The following ZDHHC14 variants were observed in gnomAD, a reference collection of about 807,000 sequenced individuals.
The protein encoded by ZDHHC14 is palmitoyltransferase ZDHHC14.
In ZDHHC14, 16 loss-of-function variants were observed where a neutral mutation model predicts 47.7. The ratio of observed to expected loss-of-function variants is 0.34; its 90% CI spans 0.23 to 0.51. ZDHHC14 has a LOEUF of 0.51. Among genes scored for constraint, ZDHHC14 ranks in the 20% least tolerant of loss-of-function variants. The pLI is 0.97. For missense variants in ZDHHC14, 515 were observed against 662.5 expected, an observed-to-expected ratio of 0.78 and a Z score of 2.44; for synonymous variants, 293 against 278.9, an observed-to-expected ratio of 1.05 and a Z score of -0.50.
At chr6:157,668,192 G>A (rs779777889) in intron 8 of ZDHHC14, among the ~76,000 whole-genome samples, 6 of 152,236 alleles carry the variant, frequency 3.9e-5, no homozygotes, top group Non-Finnish European at 8.8e-5. Context: ...GGAGGGCACA[G>A]AGAGTAGGTT....
intron 1 of ZDHHC14, among the ~76,000 whole-genome samples, chr6:157,536,718 C>G (rs1357048672): frequency 1.3e-5 from 2 of 151,902 alleles, no homozygotes; most frequent in Non-Finnish European, 2.9e-5. Context: ...GAATTAATGA[C>G]AGTATTGATT....
intron 2 of ZDHHC14, among the ~76,000 whole-genome samples, chr6:157,570,830 TAC>T (rs1230916928): frequency 6.6e-6 from 1 of 151,088 alleles, no homozygotes; most frequent in Non-Finnish European, 1.5e-5. Flanking sequence ...TATATATATA[TAC>T]ACACACACAT....
At chr6:157,601,355 T>A (rs1270828411) in intron 3 of ZDHHC14, among the ~76,000 whole-genome samples, 8 of 152,182 alleles carry the variant, frequency 5.3e-5, no homozygotes, top group African/African-American at 1.9e-4. Flanking sequence ...TGTGGTAATG[T>A]AGGAAAATAA....
chr6:157,478,203 T>G (rs1779537339), intron 1 of ZDHHC14, among the ~76,000 whole-genome samples: 1 of 109,744 alleles, frequency 9.1e-6, no homozygotes, highest in Non-Finnish European at 2.4e-5. Context: ...TCTTCAGTAC[T>G]CTCTACTTTG....
At chr6:157,476,595 C>A (rs969746006) in intron 1 of ZDHHC14, among the ~76,000 whole-genome samples, 1 of 152,030 alleles carries the variant, frequency 6.6e-6, no homozygotes, top group African/African-American at 2.4e-5. Flanking sequence ...AGACAAAGCC[C>A]CTACAAGAAA....
intron 3 of ZDHHC14, among the ~76,000 whole-genome samples, chr6:157,616,215 C>A (rs1034456280): frequency 6.6e-6 from 1 of 152,170 alleles, no homozygotes; most frequent in Non-Finnish European, 1.5e-5. Flanking sequence ...AGTGCAGTGG[C>A]CTTCAGACAC....
intron 1 of ZDHHC14, among the ~76,000 whole-genome samples, chr6:157,413,923 CTAT>C (rs66804075): frequency 0.97 from 145,359 of 150,004 alleles, 70,428 homozygotes; most frequent in East Asian, 0.99. Context: ...TCTCTCTGTG[CTAT>C]TATTATTATT....
intron 2 of ZDHHC14, among the ~76,000 whole-genome samples, chr6:157,562,088 GA>G (rs1782730890): frequency 6.6e-6 from 1 of 152,206 alleles, no homozygotes; most frequent in Non-Finnish European, 1.5e-5. Flanking sequence ...GGAAGGGGCA[GA>G]AGATGCAGCT....
chr6:157,511,959 G>A (rs976995028), intron 1 of ZDHHC14, among the ~76,000 whole-genome samples: 2 of 152,120 alleles, frequency 1.3e-5, no homozygotes, highest in Admixed American at 1.3e-4. Context: ...CTGCTCAGTG[G>A]TCTTGATTTC....
intron 2 of ZDHHC14, among the ~76,000 whole-genome samples, chr6:157,566,015 G>T (rs1663941519): frequency 6.6e-6 from 1 of 152,098 alleles, no homozygotes; most frequent in African/African-American, 2.4e-5. Flanking sequence ...CTTTCTCTGG[G>T]TGCACAAGCT....
chr6:157,595,037 T>C (rs1381149176), intron 3 of ZDHHC14, among the ~76,000 whole-genome samples: 1 of 152,176 alleles, frequency 6.6e-6, no homozygotes. Flanking sequence ...TTTTGGTAGG[T>C]AGGGTGTTGT....
chr6:157,656,996 G>A (rs1419710191), intron 8 of ZDHHC14, among the ~76,000 whole-genome samples: 1 of 152,076 alleles, frequency 6.6e-6, no homozygotes, highest in African/African-American at 2.4e-5. Flanking sequence ...CTGAGTGTAG[G>A]TGGCTTCACA....
In ZDHHC14 at chr6:157,476,174, A is replaced by C. The variant is rs757967370; in HGVS notation, c.246-66411A>C. 4.2e-4 allele frequency among the ~76,000 whole-genome samples: 64 copies of C among 152,254 alleles called. No homozygotes were observed. In the Middle Eastern group the frequency reaches 0.014, roughly 32 times the overall value. On this transcript the variant is annotated intron_variant, in intron 1 of 8. Transcript: ENST00000359775. ...ATGAAGCTGAGTTGGTTTTTTGAAA[A>C]GATAAAATTAACCTTTAGATAGACT...
chr6:157,630,825 A>G (rs988536477), intron 4 of ZDHHC14: 2 of 121,616 alleles, frequency 1.6e-5, no homozygotes, highest in African/African-American at 5.9e-5. Context: ...GGACACCCAC[A>G]CTCACTCTAG....
At chr6:157,553,007 T>G (rs1211117910) in intron 2 of ZDHHC14, among the ~76,000 whole-genome samples, 1 of 152,166 alleles carries the variant, frequency 6.6e-6, no homozygotes, top group East Asian at 1.9e-4. Context: ...TAGGGACCAG[T>G]GCAGTGGGGT....
chr6:157,664,989 T>C (rs1778492425), intron 8 of ZDHHC14, among the ~76,000 whole-genome samples: 1 of 152,190 alleles, frequency 6.6e-6, no homozygotes, highest in Admixed American at 6.5e-5. Flanking sequence ...GTTTTCTCTA[T>C]AGCTGAATGA....
chr6:157,504,160 G>A (rs1780256462), intron 1 of ZDHHC14, among the ~76,000 whole-genome samples: 1 of 151,660 alleles, frequency 6.6e-6, no homozygotes, highest in Non-Finnish European at 1.5e-5. Context: ...CAGAGAAACT[G>A]CAGCTACATG....
At chr6:157,613,745 G>C (rs1784842111) in intron 3 of ZDHHC14, among the ~76,000 whole-genome samples, 1 of 152,122 alleles carries the variant, frequency 6.6e-6, no homozygotes, top group Non-Finnish European at 1.5e-5. Flanking sequence ...TAACCTGATA[G>C]GTCATCCATT....
At chr6:157,422,207 T>C (rs1778122448) in intron 1 of ZDHHC14, among the ~76,000 whole-genome samples, 1 of 152,168 alleles carries the variant, frequency 6.6e-6, no homozygotes, top group Admixed American at 6.5e-5. Flanking sequence ...AATCAAGGGA[T>C]AACAGTAACA....
Sources: allele counts gnomAD v4.1 joint callset (sites outside exome capture counted in the v4.1 genomes callset), GRCh38; gene constraint gnomAD v4.1.1; transcripts MANE v1.5; gene names NCBI Gene and HGNC (gene_info 2026-07-23, HGNC 2026-07-21).